The following ZC3H13 variants were observed in gnomAD, a reference collection of about 807,000 sequenced individuals.
ZC3H13 encodes the protein zinc finger CCCH-type containing 13, also known as zinc finger CCCH domain-containing protein 13.
ZC3H13 carries 64 observed loss-of-function variants against 204.1 expected under a neutral mutation model. The observed-to-expected ratio is 0.31, with a 90% CI of 0.26 to 0.39. ZC3H13 has a LOEUF of 0.39. Among genes scored for constraint, ZC3H13 ranks in the 10% least tolerant of loss-of-function variants. The probability of loss-of-function intolerance (pLI) is 1.00; values close to 1 mark genes in which losing one functional copy is unlikely to be tolerated. For missense variants in ZC3H13, 1,833 were observed against 2,082.7 expected, an observed-to-expected ratio of 0.88 and a Z score of 2.33; for synonymous variants, 667 against 693.7, an observed-to-expected ratio of 0.96 and a Z score of 0.60.
chr13:45,998,716 C>A (rs540213752), intron 8 of ZC3H13, among the ~76,000 whole-genome samples: 1 of 152,120 alleles, frequency 6.6e-6, no homozygotes, highest in African/African-American at 2.4e-5. Context: ...TGCTAACACC[C>A]ATCTAAGCCT....
Position 45,968,763 on chromosome 13 carries a change from G to A in ZC3H13, c.3781C>T (p.Arg1261Ter), listed in dbSNP as rs752598097. Residue 1261 changes from arginine (R) to a stop codon, truncating the protein, a stop_gained, in exon 14 of 19, where the codon CGA (arginine) becomes TGA (stop). Transcript: ENST00000679008. LOFTEE classifies it high-confidence loss of function. ...ATTTTATTACCTGAAGAAGTACTTC[G>A]ACTGGGTTCTCCACGCTTTAACTGA... is the stretch of plus-strand genomic sequence containing the variant. Reference protein sequence around the residue: ...IDQLKRGEPSRSTSSDRQDSR... With the variant: ...IDQLKRGEPS The A allele has an allele frequency of 3.1e-6, 5 of 1,590,906 alleles. No individual in the cohort carries two copies. The highest frequency in any genetic ancestry group is 3.4e-6 in the Non-Finnish European group (4 of 1,171,300).
chr13:45,989,806 C>CAAT (rs72511236), intron 8 of ZC3H13, among the ~76,000 whole-genome samples: 1 of 151,812 alleles, frequency 6.6e-6, no homozygotes, highest in African/African-American at 2.4e-5. Flanking sequence ...TCATTAAGCA[C>CAAT]ATCTGAATCA....
At chr13:45,989,311 T>C (rs2039796560) in intron 8 of ZC3H13, among the ~76,000 whole-genome samples, 2 of 152,214 alleles carry the variant, frequency 1.3e-5, no homozygotes, top group Non-Finnish European at 2.9e-5. Context: ...CAAGAAGAGA[T>C]ATGCAGTGCT....
chr13:46,007,425 G>A (rs1279678638), intron 7 of ZC3H13, among the ~76,000 whole-genome samples: 4 of 152,314 alleles, frequency 2.6e-5, no homozygotes, highest in African/African-American at 9.6e-5. Context: ...ATCATGGTCA[G>A]AAGGAGCCTG....
chr13:45,976,827 T>C (rs1953091603), intron 11 of ZC3H13, among the ~76,000 whole-genome samples: 2 of 152,316 alleles, frequency 1.3e-5, no homozygotes, highest in African/African-American at 2.4e-5. Context: ...ATAAAGATCA[T>C]ATTATAATCA....
intron 11 of ZC3H13, among the ~76,000 whole-genome samples, chr13:45,978,190 T>C (rs553728969): frequency 1.3e-5 from 2 of 152,206 alleles, no homozygotes; most frequent in African/African-American, 2.4e-5. Flanking sequence ...AACTTTTATA[T>C]ACAGTAGTAG....
intron 17 of ZC3H13, chr13:45,963,396 A>G (rs1439797145): frequency 3.0e-6 from 3 of 988,698 alleles, no homozygotes; most frequent in Non-Finnish European, 3.6e-6. Flanking sequence ...ACCACTGAGC[A>G]CTTTGATATT....
At chr13:45,959,780 G>A (rs1187895963) in intron 17 of ZC3H13, 134 bp from the exon 18 acceptor site, 1 of 1,006,722 alleles carries the variant, frequency 9.9e-7, no homozygotes, top group Non-Finnish European at 1.4e-6. Context: ...TCACATTAAA[G>A]GCAATATATT....
intron 6 of ZC3H13, 90 bp downstream of exon 6, chr13:46,011,325 T>C: frequency 3.3e-6 from 4 of 1,213,824 alleles, no homozygotes; most frequent in Non-Finnish European, 4.5e-6. Flanking sequence ...TATACTAATA[T>C]AATTTAAGAT....
rs111666772 is a variant in ZC3H13 at position 45,995,086 on chromosome 13, T to C, written c.945-5989A>G. 2.8e-3 allele frequency among the ~76,000 whole-genome samples: 431 copies of C among 151,798 alleles called. 6 individuals carry two copies. The highest frequency in any genetic ancestry group is 9.7e-3 in the African/African-American group (403 of 41,406). ...TTAGGATGGATTTTGACAGTGCAGG[T>C]AGAGGCTATTTTATTAATGTCATTA... On this transcript the variant is annotated intron_variant, in intron 8 of 18. Coordinates refer to ENST00000679008, the MANE Select transcript of ZC3H13 (RefSeq NM_001330564.2).
In ZC3H13 at chr13:46,052,551, C is replaced by T; in HGVS notation, c.-157G>A. The T allele has an allele frequency of 2.5e-6, 1 of 398,764 alleles. No individual in the cohort carries two copies. The highest frequency in any genetic ancestry group is 4.4e-6 in the Non-Finnish European group (1 of 226,216). The allele number at this position is 398,764 out of a possible 1,614,324, so 24.7% of individuals were successfully genotyped here. A position where few individuals can be genotyped will look rare whatever the true frequency, so the allele number is the denominator to read the frequency against. ...GCGATGCGCGCGCGGCTCCCGGGAA[C>T]CGGCTCTTGGCTAGCGAGGAGCCCC... On this transcript the variant is annotated 5_prime_UTR_variant, in exon 1 of 19. Transcript: ENST00000679008.
At chr13:46,001,635 T>C (rs957139046) in intron 8 of ZC3H13, among the ~76,000 whole-genome samples, 1 of 152,188 alleles carries the variant, frequency 6.6e-6, no homozygotes. Context: ...CAAATGTTTT[T>C]ACCATTTAAA....
chr13:46,004,980 T>C (rs2041028620), intron 7 of ZC3H13, among the ~76,000 whole-genome samples: 1 of 152,184 alleles, frequency 6.6e-6, no homozygotes, highest in Admixed American at 6.5e-5. Context: ...ACTTTAACAA[T>C]AGTTTAATTG....
intron 11 of ZC3H13, among the ~76,000 whole-genome samples, chr13:45,978,698 T>C (rs549056103): frequency 2.0e-5 from 3 of 151,452 alleles, no homozygotes; most frequent in African/African-American, 7.3e-5. Context: ...AGGCATGAGA[T>C]GAGAAAAATC....
intron 4 of ZC3H13, among the ~76,000 whole-genome samples, chr13:46,034,591 G>A (rs909266280): frequency 4.6e-5 from 7 of 152,074 alleles, no homozygotes; most frequent in African/African-American, 1.2e-4. Flanking sequence ...TTTGGGAGGC[G>A]ACTGATGACA....
intron 4 of ZC3H13, among the ~76,000 whole-genome samples, chr13:46,024,061 C>T (rs898491192): frequency 2.0e-5 from 3 of 152,164 alleles, no homozygotes; most frequent in East Asian, 3.8e-4. Context: ...TAACTGGATT[C>T]GACTAATCAA....
At position 46,045,487 on chromosome 13, in the gene ZC3H13, C is replaced by T. The variant is rs750929563; in HGVS notation, c.21G>A (p.Lys7=). MSKIRR[K]VTVENTKTIS... is the part of the protein sequence containing the mutation. ...TAGTCTTGGTATTTTCCACTGTGAC[C>T]TTCCTTCTAATTTTTGACATTTTGT... Residue 7 remains lysine (K), a synonymous_variant, in exon 2 of 19, where the codon AAG becomes AAA. Coordinates refer to ENST00000679008, the MANE Select transcript of ZC3H13 (RefSeq NM_001330564.2). 3 of 1,613,982 alleles carry T rather than the reference C, an allele frequency of 1.9e-6. No individual in the cohort carries two copies. The highest frequency in any genetic ancestry group is 1.7e-5 in the Admixed American group (1 of 60,018).
chr13:46,023,235 T>C (rs1439039472), intron 4 of ZC3H13, among the ~76,000 whole-genome samples: 1 of 152,160 alleles, frequency 6.6e-6, no homozygotes. Context: ...AGCCCTCTAT[T>C]ACAAGACTCT....
At chr13:45,986,471 AT>A (rs1438803071) in intron 9 of ZC3H13, among the ~76,000 whole-genome samples, 2 of 152,212 alleles carry the variant, frequency 1.3e-5, no homozygotes, top group African/African-American at 4.8e-5. Context: ...ATACAAAAAA[AT>A]AAATACTTGC....
Sources: gnomAD v4.1 joint callset for allele counts (sites outside exome capture counted in the v4.1 genomes callset) on GRCh38, gnomAD v4.1.1 for gene constraint, MANE v1.5 for transcripts, NCBI Gene and HGNC (gene_info 2026-07-23, HGNC 2026-07-21) for gene names.